The following ETS1 variants were observed in gnomAD, a reference collection of about 807,000 sequenced individuals.
ETS1 encodes ETS proto-oncogene 1, transcription factor, also known as protein C-ets-1.
ETS1 carries 15 observed loss-of-function variants against 58.6 expected under a neutral mutation model. The observed-to-expected ratio is 0.26, with a 90% CI of 0.17 to 0.39. The LOEUF is 0.39. Ranked by LOEUF, ETS1 falls within the 10% of genes least tolerant of loss-of-function variation. The pLI is 1.00. For synonymous variants in ETS1, 214 were observed against 218.2 expected (o/e 0.98, Z 0.17); for missense variants, 417 against 610.5 (o/e 0.68, Z 3.34).
rs1438733860 is a variant in ETS1, at chr11:128,489,254, C to T, written c.535+36G>A. The stretch of plus-strand genomic sequence containing the variant: ...CCTACCTACTCTCACAGCAACCCCA[C>T]ATAACCTCCACCTCTCTCTGTTTCC... On this transcript the variant is annotated intron_variant, in intron 5 of 9. Transcript: ENST00000392668. 5 of 1,593,504 alleles carry T rather than the reference C, an allele frequency of 3.1e-6. No homozygotes were observed. In the African/African-American group the frequency reaches 6.7e-5, roughly 21 times the overall value.
chr11:128,525,791 A>G (rs1027544009), intron 3 of ETS1, among the ~76,000 whole-genome samples: 61 of 152,232 alleles, frequency 4.0e-4, no homozygotes, highest in African/African-American at 1.4e-3. Context: ...AGTCATTAAA[A>G]GTCACACTAG....
intron 3 of ETS1, among the ~76,000 whole-genome samples, chr11:128,501,246 G>A (rs955137807): frequency 3.3e-5 from 5 of 152,096 alleles, no homozygotes; most frequent in African/African-American, 9.7e-5. Context: ...GCATTCATAG[G>A]TGAACATCGT....
chr11:128,490,208 G>A (rs948505099), intron 4 of ETS1, among the ~76,000 whole-genome samples: 2 of 152,208 alleles, frequency 1.3e-5, no homozygotes, highest in African/African-American at 4.8e-5. Context: ...AAGAGATCCA[G>A]AAGTGATTCT....
chr11:128,581,708 G>T (rs540210395), intron 1 of ETS1, among the ~76,000 whole-genome samples: 1 of 152,262 alleles, frequency 6.6e-6, no homozygotes, highest in East Asian at 1.9e-4. Flanking sequence ...CTAATCCAAT[G>T]AATGCTGCCA....
chr11:128,584,791 C>G (rs2135599382), intron 1 of ETS1, among the ~76,000 whole-genome samples: 1 of 150,226 alleles, frequency 6.7e-6, no homozygotes, highest in East Asian at 2.0e-4. Flanking sequence ...TTGCTGCATA[C>G]CACATTAATT....
Position 128,458,895 on chromosome 11 carries a change from A to G in ETS1, c.*3466T>C, listed in dbSNP as rs1457876433. 2 of 152,520 alleles carry G rather than the reference A, an allele frequency of 1.3e-5. No homozygotes were observed. The highest frequency in any genetic ancestry group is 6.6e-5 in the Admixed American group (1 of 15,248). The allele number at this position is 152,520 out of a possible 1,614,324, so 9.4% of individuals were successfully genotyped here. Reference sequence around the variant, plus strand: ...AGCTACTAAAATAAACAAACAAAAAACTCCGCCATAAGAATTTTTTTGCAT... The same window carrying G: ...AGCTACTAAAATAAACAAACAAAAAGCTCCGCCATAAGAATTTTTTTGCAT... On this transcript the variant is annotated 3_prime_UTR_variant, in exon 10 of 10. Coordinates refer to ENST00000392668, the MANE Select transcript of ETS1 (RefSeq NM_001143820.2). This position sits in a 1 kb window ranked among gnomAD's most constrained non-coding sequence, Gnocchi z 4.3.
At chr11:128,525,317 A>C (rs957825571) in intron 3 of ETS1, among the ~76,000 whole-genome samples, 1 of 152,126 alleles carries the variant, frequency 6.6e-6, no homozygotes, top group African/African-American at 2.4e-5. Flanking sequence ...GTATGTAAAA[A>C]GCATACTTTC....
At chr11:128,548,112 GAAGGAAAGGA>G (rs139704582) in intron 3 of ETS1, among the ~76,000 whole-genome samples, 8 of 97,716 alleles carry the variant, frequency 8.2e-5, no homozygotes, top group African/African-American at 1.6e-4. Flanking sequence ...AAAGGAAAGG[GAAGGAAAGGA>G]AAGGAAAGGA....
chr11:128,576,961 C>T (rs1333719472), intron 1 of ETS1, among the ~76,000 whole-genome samples: 2 of 152,154 alleles, frequency 1.3e-5, no homozygotes, highest in Non-Finnish European at 2.9e-5. Flanking sequence ...TGTTTATGTT[C>T]CCAAAGTGTA....
intron 3 of ETS1, among the ~76,000 whole-genome samples, chr11:128,544,391 C>A (rs1033109188): frequency 1.1e-4 from 15 of 132,388 alleles, no homozygotes; most frequent in African/African-American, 3.4e-4. Flanking sequence ...TTCTGTAGCC[C>A]AGTTAGTAGG....
intron 2 of ETS1, among the ~76,000 whole-genome samples, chr11:128,563,887 T>C (rs570936392): frequency 6.6e-6 from 1 of 152,318 alleles, no homozygotes; most frequent in East Asian, 1.9e-4. Flanking sequence ...GTGCAATACC[T>C]AGGCCATTTC....
intron 5 of ETS1, among the ~76,000 whole-genome samples, chr11:128,487,133 T>A: frequency 6.6e-6 from 1 of 152,208 alleles, no homozygotes; most frequent in East Asian, 1.9e-4. Flanking sequence ...CAAACAGCTA[T>A]GTTCTTTTGC....
At chr11:128,586,319 C>T (rs1865030468) in intron 1 of ETS1, among the ~76,000 whole-genome samples, 1 of 152,178 alleles carries the variant, frequency 6.6e-6, no homozygotes, top group Non-Finnish European at 1.5e-5. Flanking sequence ...AACCCATTAG[C>T]TCTCCCTTCC....
At chr11:128,491,044 T>C (rs576521135) in intron 3 of ETS1, among the ~76,000 whole-genome samples, 1 of 152,264 alleles carries the variant, frequency 6.6e-6, no homozygotes, top group East Asian at 1.9e-4. Context: ...TAAGGGGCTT[T>C]CCACATTGTG....
intron 1 of ETS1, among the ~76,000 whole-genome samples, chr11:128,579,493 C>T (rs550438929): frequency 6.6e-6 from 1 of 151,964 alleles, no homozygotes; most frequent in East Asian, 1.9e-4. Flanking sequence ...GAAATTCCAT[C>T]TCTACTAAAA....
chr11:128,580,176 TAAAAAAAAAAAAA>T (rs140049360), intron 1 of ETS1, among the ~76,000 whole-genome samples: 3 of 102,396 alleles, frequency 2.9e-5, no homozygotes, highest in Admixed American at 1.0e-4. Flanking sequence ...GTTTGGACAT[TAAAAAAAAAAAAA>T]AAAAAAAAAA....
chr11:128,548,495 C>T (rs1017013745), intron 3 of ETS1, among the ~76,000 whole-genome samples: 2 of 152,212 alleles, frequency 1.3e-5, no homozygotes, highest in Non-Finnish European at 2.9e-5. Flanking sequence ...CTACCCAGCT[C>T]TCTTGATCCT....
chr11:128,495,223 C>T (rs1366904229), intron 3 of ETS1, among the ~76,000 whole-genome samples: 1 of 152,068 alleles, frequency 6.6e-6, no homozygotes, highest in Non-Finnish European at 1.5e-5. Context: ...AGTCTTCTAA[C>T]TCTTAAAGTT....
chr11:128,523,349 T>A (rs1282133627), intron 3 of ETS1, among the ~76,000 whole-genome samples: 1 of 152,236 alleles, frequency 6.6e-6, no homozygotes, highest in African/African-American at 2.4e-5. Context: ...TTGGTTGTAA[T>A]AGAGATAGTT....
Sources: allele counts gnomAD v4.1 joint callset (sites outside exome capture counted in the v4.1 genomes callset), GRCh38; gene constraint gnomAD v4.1.1; non-coding constraint Gnocchi (gnomAD v3.1); transcripts MANE v1.5; gene names NCBI Gene and HGNC (gene_info 2026-07-23, HGNC 2026-07-21).